The following CENPE variants were observed in gnomAD, a reference collection of about 807,000 sequenced individuals.
CENPE encodes the protein centromere protein E.
In CENPE, 145 loss-of-function variants were observed where a neutral mutation model predicts 336.1. The ratio of observed to expected loss-of-function variants is 0.43; its 90% confidence interval spans 0.38 to 0.50. CENPE has a LOEUF of 0.50. CENPE is among the 20% of genes least tolerant of loss of function. CENPE has a pLI of 0.00. For missense variants in CENPE, 2,719 were observed against 3,023.3 expected (o/e 0.90, Z 2.36); for synonymous variants, 1,013 against 984.8 (o/e 1.03, Z -0.54).
Position 103,145,526 on chromosome 4 carries a change from G to C in CENPE, c.4569C>G (p.Asn1523Lys), listed in dbSNP as rs760846809. ...QLEAINDKLQ[N>K]KIQEIYEKEE... ...TGTTTCTTCATCCCCAATTTACCTT[G>C]TTCTGTAATTTATCATTGATTGCTT... Residue 1523 changes from asparagine (N) to lysine (K), a missense_variant, in exon 31 of 49, where the codon AAC becomes AAG. By Grantham distance (94) the Asn-to-Lys change is moderately conservative. Transcript: ENST00000265148. The C allele has an allele frequency of 1.3e-6, 2 of 1,599,700 alleles. No individual in the cohort carries two copies. Among genetic ancestry groups the C allele is most frequent in the South Asian group, 2.3e-5 (2 of 87,368 alleles).
In CENPE at chr4:103,145,810, G is replaced by A. The variant is rs746895756; in HGVS notation, c.4413+19C>T. 6.4e-7 allele frequency: 1 copy of A among 1,567,720 alleles called. No individual in the cohort carries two copies. Among genetic ancestry groups the A allele is most frequent in the South Asian group, 1.2e-5 (1 of 82,788 alleles). On this transcript the variant is annotated intron_variant, in intron 30 of 48. Transcript: ENST00000265148. ...GTTACAAAATATTTTTTAAAAACAT[G>A]GTGAAAGATGAAACCTACTTTAGCT...
At chr4:103,157,458 T>C (rs1054433611) in intron 24 of CENPE, among the ~76,000 whole-genome samples, 4 of 152,050 alleles carry the variant, frequency 2.6e-5, no homozygotes, top group African/African-American at 7.2e-5. Flanking sequence ...GAAGACATTA[T>C]GCAAAATGAG....
Position 103,158,410 on chromosome 4 carries a change from G to C in CENPE, c.2923C>G (p.Gln975Glu). The C allele has an allele frequency of 6.2e-7, 1 of 1,604,020 alleles. No homozygotes were observed. The highest frequency in any genetic ancestry group is 2.2e-5 in the East Asian group (1 of 44,580). The change falls in exon 24 of 49, where the codon CAA (glutamine) becomes GAA (glutamate). Residue 975 changes from glutamine to glutamate, a missense_variant. Gln to Glu is a conservative substitution (Grantham distance 29, BLOSUM62 2). Around this residue, in one of 5 missense-constraint regions of CENPE, gnomAD observed 2,437 missense variants for 2,513.3 expected, o/e 0.97. Transcript: ENST00000265148. ...AGTGTATTAATTGTTTCTTGATGTT[G>C]TTTCAGAGACTCAAGAGCATTTCGT... ...QLRNALESLK[Q>E]HQETINTLKS...
chr4:103,119,237 T>A (rs1226335659), intron 44 of CENPE, among the ~76,000 whole-genome samples: 1 of 152,208 alleles, frequency 6.6e-6, no homozygotes, highest in Non-Finnish European at 1.5e-5. Flanking sequence ...TTCTGTCTCC[T>A]TCAACTAGAA....
In CENPE at chr4:103,158,886, G is replaced by A. The variant is rs776496410; in HGVS notation, c.2602C>T (p.Leu868Phe). ...DSSLGALKTE[L>F]SYKTQELQEK... The stretch of plus-strand genomic sequence containing the variant: ...TGAAGTTCTTGGGTCTTGTAAGAAA[G>A]CTTTAAAAAAGAAAAAGTAAATGTC... The change falls in exon 23 of 49, where the codon CTT becomes TTT. Residue 868 changes from leucine (L) to phenylalanine (F), a missense_variant and splice_region_variant. By Grantham distance (22) the Leu-to-Phe change is conservative (BLOSUM62 0). This residue lies in a region of CENPE where 2,437 missense variants were observed against 2,513.3 expected (regional missense o/e 0.97). Coordinates refer to ENST00000265148, the MANE Select transcript of CENPE (RefSeq NM_001813.3). The A allele has an allele frequency of 6.3e-7, 1 of 1,591,176 alleles. No individual in the cohort carries two copies. Among genetic ancestry groups the A allele is most frequent in the Admixed American group, 1.9e-5 (1 of 53,290 alleles).
Position 103,142,076 on chromosome 4 carries a change from T to C in CENPE, c.5305-168A>G, listed in dbSNP as rs535432053. Among the ~76,000 whole-genome samples, 32 of 152,352 alleles carry C rather than the reference T, an allele frequency of 2.1e-4. 1 individual carries two copies. In the South Asian group the frequency reaches 6.6e-3, roughly 32 times the overall value. On this transcript the variant is annotated intron_variant, in intron 34 of 48. Transcript: ENST00000265148. ...TCCCTGTCCTCCTCTCTTCACACTC[T>C]ACTTCTGCTTTCCAGAGGCAAACAC... is the stretch of plus-strand genomic sequence containing the variant.
At position 103,147,422 on chromosome 4, in the gene CENPE, C is replaced by A; in HGVS notation, c.4068G>T (p.Thr1356=). Residue 1356 remains threonine, a synonymous_variant, in exon 29 of 49, where the codon ACG becomes ACT. Transcript: ENST00000265148. ...SLTKERDNLK[T]IKEALEVKHD... ...GTTTAACTTCAAGGGCTTCTTTTAT[C>A]GTTTTAAGGTTGTCTCTTTCCTTGG... The A allele has an allele frequency of 6.2e-7, 1 of 1,613,372 alleles. No homozygotes were observed. Among genetic ancestry groups the A allele is most frequent in the Non-Finnish European group, 8.5e-7 (1 of 1,179,902 alleles).
intron 47 of CENPE, among the ~76,000 whole-genome samples, chr4:103,109,463 A>C (rs568852530): frequency 6.6e-6 from 1 of 152,254 alleles, no homozygotes; most frequent in South Asian, 2.1e-4. Context: ...TGAATCTTTG[A>C]TGTACCTTTC....
chr4:103,194,342 G>A, intron 7 of CENPE, 32 bp downstream of exon 7: 1 of 1,607,692 alleles, frequency 6.2e-7, no homozygotes, highest in African/African-American at 1.3e-5. Flanking sequence ...TTCTTACTTG[G>A]AAAGATCTAA....
intron 26 of CENPE, among the ~76,000 whole-genome samples, chr4:103,150,514 G>T (rs1000255360): frequency 3.9e-5 from 6 of 152,010 alleles, no homozygotes; most frequent in South Asian, 2.1e-4. Flanking sequence ...ACCCAGGGGG[G>T]GTTGAGGCTA....
chr4:103,139,781 G>T lies in CENPE; in HGVS notation c.6204+8C>A. On this transcript the variant is annotated splice_region_variant and intron_variant, in intron 38 of 48. Coordinates refer to ENST00000265148, the MANE Select transcript of CENPE (RefSeq NM_001813.3). ...TAGTTACTACACAAAGGAAGACTCT[G>T]AACTCACTCTAGCTATCATTTCCCT... 6.3e-7 allele frequency: 1 copy of T among 1,591,688 alleles called. No homozygotes were observed. Among genetic ancestry groups the T allele is most frequent in the South Asian group, 1.2e-5 (1 of 86,352 alleles).
intron 45 of CENPE, among the ~76,000 whole-genome samples, chr4:103,115,769 C>A (rs1185231757): frequency 6.9e-6 from 1 of 145,106 alleles, no homozygotes; most frequent in African/African-American, 2.6e-5. Flanking sequence ...CTCACTCTGT[C>A]GCCCAGGCTG....
At chr4:103,193,534 T>C (rs916170551) in intron 8 of CENPE, among the ~76,000 whole-genome samples, 2 of 151,976 alleles carry the variant, frequency 1.3e-5, no homozygotes, top group Admixed American at 1.3e-4. Context: ...TAAAGCAATA[T>C]GGTAAAAGAT....
At chr4:103,139,678 CTTTACTG>C in intron 38 of CENPE, 104 bp downstream of exon 38, 1 of 1,035,356 alleles carries the variant, frequency 9.7e-7, no homozygotes, top group East Asian at 2.5e-5. Context: ...TCCCACTGTC[CTTTACTG>C]TTCATAGGAA....
chr4:103,185,999 C>T, intron 8 of CENPE, 138 bp from the exon 9 acceptor site: 2 of 522,536 alleles, frequency 3.8e-6, no homozygotes, highest in South Asian at 3.3e-5. Flanking sequence ...ACTGTTTAGG[C>T]ATTCCCTTTT....
intron 31 of CENPE, 88 bp downstream of exon 31, chr4:103,145,435 T>A (rs1481704777): frequency 7.1e-7 from 1 of 1,405,990 alleles, no homozygotes; most frequent in Non-Finnish European, 9.7e-7. Context: ...CCAAAACAAT[T>A]AAGCATGCCA....
At position 103,139,859 on chromosome 4, in the gene CENPE, C is replaced by T. The variant is rs147395562; in HGVS notation, c.6134G>A (p.Arg2045Lys). 3.3e-5 allele frequency: 53 copies of T among 1,613,070 alleles called. No individual in the cohort carries two copies. Among genetic ancestry groups the T allele is most frequent in the Non-Finnish European group, 4.2e-5 (49 of 1,179,530 alleles). Residue 2045 changes from arginine (R) to lysine (K), a missense_variant, in exon 38 of 49, where the codon AGG (arginine) becomes AAG (lysine). By Grantham distance (26) the Arg-to-Lys change is conservative. Transcript: ENST00000265148. ...CATTTTGAGAGATTCTTTTATCCTC[C>T]TTAGCTCATCTCTTTCTTTAGCTAC... ...RIVAKERDELRRIKESLKMER... is the reference protein window; with the variant it reads ...RIVAKERDELKRIKESLKMER...
chr4:103,117,688 T>C (rs962688966), intron 44 of CENPE, among the ~76,000 whole-genome samples: 1 of 146,274 alleles, frequency 6.8e-6, no homozygotes, highest in Non-Finnish European at 1.5e-5. Flanking sequence ...GGTGCAGTGG[T>C]GCGATCTCGG....
In CENPE at chr4:103,146,054, G is replaced by T. The variant is rs1413156391; in HGVS notation, c.4188C>A (p.Asp1396Glu). ...CACTCACGATTTTGGTAGTTTCATT[G>T]TCTTTTTCTTTCATATTTAAGGACT... is the stretch of plus-strand genomic sequence containing the variant. ...QEQSLNMKEK[D>E]NETTKIVSEM... Residue 1396 changes from aspartate to glutamate, a missense_variant, in exon 30 of 49, where the codon GAC (aspartate) becomes GAA (glutamate). Asp to Glu is a conservative substitution (Grantham distance 45, BLOSUM62 2). This residue lies in a region of CENPE where 2,437 missense variants were observed against 2,513.3 expected (regional missense o/e 0.97). Coordinates refer to ENST00000265148, the MANE Select transcript of CENPE (RefSeq NM_001813.3). The T allele has an allele frequency of 1.2e-6, 2 of 1,613,736 alleles. No individual in the cohort carries two copies. The highest frequency in any genetic ancestry group is 1.7e-6 in the Non-Finnish European group (2 of 1,179,814).
Sources: gnomAD v4.1 joint callset for allele counts (sites outside exome capture counted in the v4.1 genomes callset) on GRCh38, gnomAD v4.1.1 for gene constraint, gnomAD v4.1.1 regional missense constraint, MANE v1.5 for transcripts, NCBI Gene and HGNC (gene_info 2026-07-23, HGNC 2026-07-21) for gene names.